The following RAP1GDS1 variants were observed in gnomAD, a reference collection of about 807,000 sequenced individuals.
RAP1GDS1 encodes RAP1, GTP-GDP dissociation stimulator 1.
In RAP1GDS1, 35 loss-of-function variants were observed where a neutral mutation model predicts 71.1. The ratio of observed to expected loss-of-function variants is 0.49; its 90% CI spans 0.38 to 0.65. RAP1GDS1 has a LOEUF of 0.65. Ranked by LOEUF, RAP1GDS1 falls within the 30% of genes least tolerant of loss-of-function variation. The pLI, the probability that RAP1GDS1 is intolerant of heterozygous loss-of-function variation, is 0.00. For missense variants in RAP1GDS1, 663 were observed against 706.1 expected (o/e 0.94, Z 0.69); for synonymous variants, 229 against 243.1 (o/e 0.94, Z 0.54).
chr4:98,437,149 G>A (rs1751248664), intron 14 of RAP1GDS1, 81 bp downstream of exon 14: 2 of 1,342,672 alleles, frequency 1.5e-6, no homozygotes, highest in Admixed American at 5.7e-5. Flanking sequence ...GTAAATGATG[G>A]TTTTGGGTTT....
chr4:98,418,230 G>A (rs1748296171), intron 9 of RAP1GDS1, among the ~76,000 whole-genome samples: 1 of 152,074 alleles, frequency 6.6e-6, no homozygotes, highest in South Asian at 2.1e-4. Flanking sequence ...GGGGTAAATA[G>A]TGGTTCATTA....
chr4:98,280,149 A>G (rs1474134843), intron 1 of RAP1GDS1, among the ~76,000 whole-genome samples: 2 of 152,096 alleles, frequency 1.3e-5, no homozygotes, highest in Admixed American at 1.3e-4. Context: ...GGGTCAAATG[A>G]TATTTCTAGT....
intron 2 of RAP1GDS1, chr4:98,296,895 T>C (rs1446050765): frequency 5.1e-6 from 2 of 390,502 alleles, no homozygotes; most frequent in Admixed American, 3.1e-5. Context: ...ATAAAAATTC[T>C]ATCCATTTTA....
In RAP1GDS1 at chr4:98,339,577, T is replaced by G. The variant is rs558594110; in HGVS notation, c.113-3562T>G. On this transcript the variant is annotated intron_variant, in intron 2 of 14. Transcript: ENST00000408927. Reference sequence around the variant, plus strand: ...CAGTGCATCGTTTTTGATTTTTTTTTTTAACAAGTAGCCATTCATTTGGAC... The same window carrying G: ...CAGTGCATCGTTTTTGATTTTTTTTGTTAACAAGTAGCCATTCATTTGGAC... Among the ~76,000 whole-genome samples the G allele has an allele frequency of 4.6e-5, 7 of 152,338 alleles. No homozygotes were observed. In the South Asian group the frequency reaches 1.2e-3, roughly 27 times the overall value.
intron 4 of RAP1GDS1, among the ~76,000 whole-genome samples, chr4:98,364,885 C>G (rs975350795): frequency 1.3e-5 from 2 of 151,870 alleles, no homozygotes; most frequent in African/African-American, 4.8e-5. Context: ...AAGAATTAGC[C>G]TGGCGTGGTG....
At chr4:98,348,435 A>G (rs576854119) in intron 3 of RAP1GDS1, among the ~76,000 whole-genome samples, 2 of 152,324 alleles carry the variant, frequency 1.3e-5, no homozygotes, top group East Asian at 3.9e-4. Flanking sequence ...ATACGTGTGC[A>G]TGTGTCTTTA....
intron 2 of RAP1GDS1, among the ~76,000 whole-genome samples, chr4:98,338,506 A>G (rs532761108): frequency 9.9e-5 from 15 of 152,198 alleles, no homozygotes; most frequent in South Asian, 2.1e-4. Flanking sequence ...GAAATATACA[A>G]TTCCCCAGAA....
In RAP1GDS1 at chr4:98,404,546, T is replaced by C. The variant is rs748108158; in HGVS notation, c.707T>C (p.Ile236Thr). Reference sequence around the variant, plus strand: ...CTAGTAAAACTCTTCAAGAAACAAATAGAACATGATAAGAGAGAAATGATT... The same window carrying C: ...CTAGTAAAACTCTTCAAGAAACAAACAGAACATGATAAGAGAGAAATGATT... ...EELVKLFKKQ[I>T]EHDKREMIFE... Residue 236 changes from isoleucine (I) to threonine (T), a missense_variant, in exon 7 of 15, where the codon ATA becomes ACA. Physicochemically the swap from Ile to Thr is moderately conservative, Grantham distance 89. Transcript: ENST00000408927. 28 of 1,607,538 alleles carry C rather than the reference T, an allele frequency of 1.7e-5. No individual in the cohort carries two copies. The highest frequency in any genetic ancestry group is 1.9e-5 in the Non-Finnish European group (22 of 1,177,386).
intron 2 of RAP1GDS1, chr4:98,296,827 G>T: frequency 3.2e-6 from 1 of 313,696 alleles, no homozygotes; most frequent in Non-Finnish European, 6.2e-6. Context: ...CCTTGCAAGA[G>T]AAACTATTAG....
chr4:98,391,069 A>G (rs897549131), intron 5 of RAP1GDS1, among the ~76,000 whole-genome samples: 1 of 152,128 alleles, frequency 6.6e-6, no homozygotes, highest in Admixed American at 6.5e-5. Context: ...GCATAAACAT[A>G]TGATTTTTTG....
At chr4:98,294,593 G>C (rs1184414317) in intron 2 of RAP1GDS1, among the ~76,000 whole-genome samples, 2 of 152,038 alleles carry the variant, frequency 1.3e-5, no homozygotes, top group African/African-American at 2.4e-5. Flanking sequence ...CAGGAAAGGA[G>C]AACGTCTAAG....
intron 5 of RAP1GDS1, among the ~76,000 whole-genome samples, chr4:98,380,573 G>A (rs562314943): frequency 2.0e-5 from 3 of 151,782 alleles, no homozygotes; most frequent in Admixed American, 6.6e-5. Flanking sequence ...AAGAACAAAT[G>A]CCCTAAATAT....
chr4:98,415,921 T>G (rs1467508021), intron 7 of RAP1GDS1, among the ~76,000 whole-genome samples: 2 of 152,310 alleles, frequency 1.3e-5, no homozygotes, highest in South Asian at 4.1e-4. Context: ...ATTTATTTAT[T>G]TATTTAATTT....
chr4:98,400,161 T>TA (rs145469468), intron 6 of RAP1GDS1, among the ~76,000 whole-genome samples: 12,250 of 150,380 alleles, frequency 0.081, 557 homozygotes, highest in Admixed American at 0.14. Flanking sequence ...CATCTCAGTT[T>TA]AAAAAAAAAC....
chr4:98,332,999 T>A (rs1467572579), intron 2 of RAP1GDS1, among the ~76,000 whole-genome samples: 2 of 152,170 alleles, frequency 1.3e-5, no homozygotes, highest in Non-Finnish European at 2.9e-5. Flanking sequence ...CTATATGTCC[T>A]CTTTCTTAAA....
rs961431412 is a variant in RAP1GDS1 at position 98,343,192 on chromosome 4, A to T, written c.166A>T (p.Ser56Cys). Residue 56 changes from serine to cysteine, a missense_variant, in exon 3 of 15, where the codon AGT becomes TGT. Coordinates refer to ENST00000408927, the MANE Select transcript of RAP1GDS1 (RefSeq NM_001100427.2). ...AAGTGGAATACTTCAGCTGTTTGCA[A>T]GTCTGTTGACTCCACAGTCTTCCTG... ...QASGILQLFA[S>C]LLTPQSSCKA... 1.2e-6 allele frequency: 2 copies of T among 1,606,896 alleles called. No individual in the cohort carries two copies. Among genetic ancestry groups the T allele is most frequent in the Admixed American group, 3.3e-5 (2 of 59,956 alleles).
intron 2 of RAP1GDS1, among the ~76,000 whole-genome samples, chr4:98,311,638 A>G (rs913522410): frequency 1.3e-5 from 2 of 152,138 alleles, no homozygotes; most frequent in Non-Finnish European, 2.9e-5. Flanking sequence ...GTGTGTGCAC[A>G]TGTATGTGTG....
intron 6 of RAP1GDS1, among the ~76,000 whole-genome samples, chr4:98,394,633 T>C (rs1048410523): frequency 6.6e-6 from 1 of 152,112 alleles, no homozygotes; most frequent in Non-Finnish European, 1.5e-5. Flanking sequence ...TTTAGGATCA[T>C]ACATACAGTC....
chr4:98,359,754 G>A (rs915889722), intron 4 of RAP1GDS1, among the ~76,000 whole-genome samples: 1 of 152,138 alleles, frequency 6.6e-6, no homozygotes, highest in African/African-American at 2.4e-5. Flanking sequence ...TGAAGAAATT[G>A]ATATTTTCAG....
Sources: gnomAD v4.1 joint callset for allele counts (sites outside exome capture counted in the v4.1 genomes callset) on GRCh38, gnomAD v4.1.1 for gene constraint, MANE v1.5 for transcripts, NCBI Gene and HGNC (gene_info 2026-07-23, HGNC 2026-07-21) for gene names.